Variants in RAPGEF1 observed in about 807,000 individuals in gnomAD.
The protein encoded by RAPGEF1 is CRK SH3-binding GNRP.
In RAPGEF1, 33 loss-of-function variants were observed where a neutral mutation model predicts 143.3. The ratio of observed to expected loss-of-function variants is 0.23; its 90% CI spans 0.17 to 0.31. RAPGEF1 has a LOEUF of 0.31. RAPGEF1 is among the 10% of genes least tolerant of loss of function. The pLI, the probability that RAPGEF1 is intolerant of heterozygous loss-of-function variation, is 1.00. For synonymous variants in RAPGEF1, 629 were observed against 676.5 expected (o/e 0.93, Z 1.09); for missense variants, 1,199 against 1,645.4 (o/e 0.73, Z 4.69).
At chr9:131,617,710 T>C (rs1161885214) in intron 12 of RAPGEF1, among the ~76,000 whole-genome samples, 2 of 152,332 alleles carry the variant, frequency 1.3e-5, no homozygotes, top group East Asian at 3.9e-4. Context: ...ACATTTCATA[T>C]AATTTTACTT....
At chr9:131,708,112 C>T (rs985146620) in intron 1 of RAPGEF1, among the ~76,000 whole-genome samples, 27 of 152,176 alleles carry the variant, frequency 1.8e-4, no homozygotes, top group African/African-American at 6.3e-4. Context: ...AATTAGCATC[C>T]CACCTACTTT....
At chr9:131,711,213 G>T (rs1316908527) in intron 1 of RAPGEF1, among the ~76,000 whole-genome samples, 1 of 151,540 alleles carries the variant, frequency 6.6e-6, no homozygotes, top group Non-Finnish European at 1.5e-5. Context: ...ACCTCGCCTG[G>T]CTAATTTTTA....
intron 1 of RAPGEF1, among the ~76,000 whole-genome samples, chr9:131,703,942 G>A (rs1198860067): frequency 1.3e-5 from 2 of 152,156 alleles, no homozygotes; most frequent in Non-Finnish European, 1.5e-5. Flanking sequence ...CCATGTCCAT[G>A]GATCTGGTAA....
At chr9:131,720,578 G>A (rs752631187) in intron 1 of RAPGEF1, among the ~76,000 whole-genome samples, 3 of 152,126 alleles carry the variant, frequency 2.0e-5, no homozygotes, top group Non-Finnish European at 2.9e-5. Context: ...CTGGGTACCC[G>A]GCAGGTCCTC....
intron 12 of RAPGEF1, 82 bp downstream of exon 12, chr9:131,618,969 G>T (rs1313455271): frequency 8.2e-7 from 1 of 1,220,990 alleles, no homozygotes; most frequent in South Asian, 1.3e-5. Context: ...ACGGGCAGCA[G>T]AACACATGGC....
At chr9:131,649,200 ATTTTTT>A (rs55813422) in intron 3 of RAPGEF1, among the ~76,000 whole-genome samples, 38 of 87,234 alleles carry the variant, frequency 4.4e-4, no homozygotes, top group East Asian at 1.1e-3. Flanking sequence ...GCCTGGCTAA[ATTTTTT>A]TTTTTTTTTT....
At chr9:131,590,804 G>A (rs1473967012) in intron 18 of RAPGEF1, among the ~76,000 whole-genome samples, 1 of 152,230 alleles carries the variant, frequency 6.6e-6, no homozygotes, top group African/African-American at 2.4e-5. Context: ...TGATGGCTGA[G>A]CCAGGCAGAG....
chr9:131,649,279 T>C (rs1394523218), intron 3 of RAPGEF1, among the ~76,000 whole-genome samples: 1 of 143,158 alleles, frequency 7.0e-6, no homozygotes, highest in Non-Finnish European at 1.5e-5. Context: ...GGTCTTGAAC[T>C]CGTGACCTCA....
rs1588169475 is a variant in RAPGEF1 at position 131,584,981 on chromosome 9, C to T, written c.3234-385G>A. Among the ~76,000 whole-genome samples, 1 of 152,298 alleles carries T rather than the reference C, an allele frequency of 6.6e-6. No homozygotes were observed. The highest frequency in any genetic ancestry group is 3.4e-3 in the Middle Eastern group (1 of 294). ...TGCAGGACTGGCTCGGGGAGACCCG[C>T]TAGCACGTGAGGTAAGAGGTCACCT... On this transcript the variant is annotated intron_variant, in intron 22 of 26. Transcript: ENST00000683357. This position sits in a 1 kb window ranked among gnomAD's most constrained non-coding sequence, Gnocchi z 6.8.
chr9:131,604,522 T>C (rs1956793566), intron 13 of RAPGEF1, among the ~76,000 whole-genome samples: 1 of 152,220 alleles, frequency 6.6e-6, no homozygotes, highest in South Asian at 2.1e-4. Flanking sequence ...GAACAGACAC[T>C]TGTCCTGAAT....
chr9:131,709,526 T>G, intron 1 of RAPGEF1: 1 of 1,158,730 alleles, frequency 8.6e-7, no homozygotes, highest in Non-Finnish European at 1.3e-6. Context: ...TGGAAGGTGA[T>G]TCCCCAGGCA....
At position 131,659,859 on chromosome 9, in the gene RAPGEF1, C is replaced by T. The variant is rs570214262; in HGVS notation, c.62-8910G>A. ...TTTGATATGGAGTCTCGCTCTGTCG[C>T]CCAGGCTGGAGTGCAGTGGCGTGAT... is the stretch of plus-strand genomic sequence containing the variant. On this transcript the variant is annotated intron_variant, in intron 1 of 26. Coordinates refer to ENST00000683357, the MANE Select transcript of RAPGEF1 (RefSeq NM_001377935.1). Among the ~76,000 whole-genome samples, 32 of 152,214 alleles carry T rather than the reference C, an allele frequency of 2.1e-4. No homozygotes were observed. The East Asian group carries it at 4.5e-3, about 21-fold the overall frequency.
chr9:131,622,763 C>T (rs978088903), intron 10 of RAPGEF1, among the ~76,000 whole-genome samples: 10 of 142,570 alleles, frequency 7.0e-5, no homozygotes, highest in African/African-American at 2.3e-4. Flanking sequence ...GAGCTTGTCT[C>T]ACACTTCCTT....
rs1334317668 is a variant in RAPGEF1 at position 131,583,939 on chromosome 9, T to C, written c.3414+372A>G. Reference sequence around the variant, plus strand: ...TCTAGCAGAAACTCACCCAACATCATGTTGGGCTGTTCACAGTGCGTCCCC... The same window carrying C: ...TCTAGCAGAAACTCACCCAACATCACGTTGGGCTGTTCACAGTGCGTCCCC... On this transcript the variant is annotated intron_variant, in intron 24 of 26. Coordinates refer to ENST00000683357, the MANE Select transcript of RAPGEF1 (RefSeq NM_001377935.1). The surrounding 1 kb of genome is among the most constrained non-coding windows in gnomAD (Gnocchi z 4.7). Among the ~76,000 whole-genome samples, 1 of 152,208 alleles carries C rather than the reference T, an allele frequency of 6.6e-6. No homozygotes were observed. Among genetic ancestry groups the C allele is most frequent in the Non-Finnish European group, 1.5e-5 (1 of 68,030 alleles).
chr9:131,592,392 C>A, intron 17 of RAPGEF1, among the ~76,000 whole-genome samples: 1 of 152,154 alleles, frequency 6.6e-6, no homozygotes, highest in Non-Finnish European at 1.5e-5. Context: ...GTCCATCTCT[C>A]AAAGGAAACG....
intron 12 of RAPGEF1, among the ~76,000 whole-genome samples, chr9:131,612,894 G>A (rs1315293815): frequency 6.6e-6 from 1 of 152,196 alleles, no homozygotes; most frequent in African/African-American, 2.4e-5. Context: ...GGAAAATGAG[G>A]AAGAAAATGG....
chr9:131,636,453 A>G (rs1049210604), intron 5 of RAPGEF1, among the ~76,000 whole-genome samples: 1 of 152,216 alleles, frequency 6.6e-6, no homozygotes, highest in Non-Finnish European at 1.5e-5. Flanking sequence ...GTCACTTTGA[A>G]AAATCAAGGA....
chr9:131,739,702 G>A, intron 1 of RAPGEF1, 68 bp downstream of exon 1: 1 of 1,022,124 alleles, frequency 9.8e-7, no homozygotes, highest in Non-Finnish European at 1.2e-6. Context: ...CCCGCGCTCG[G>A]CCCGGGGAGC....
At chr9:131,671,926 T>C (rs1831462285) in intron 1 of RAPGEF1, among the ~76,000 whole-genome samples, 1 of 152,246 alleles carries the variant, frequency 6.6e-6, no homozygotes, top group Non-Finnish European at 1.5e-5. Context: ...AGGCCATGCA[T>C]GTATTAAGGC....
Sources: gnomAD v4.1 joint callset for allele counts (sites outside exome capture counted in the v4.1 genomes callset) on GRCh38, gnomAD v4.1.1 for gene constraint, Gnocchi (gnomAD v3.1) non-coding constraint, MANE v1.5 for transcripts, NCBI Gene and HGNC (gene_info 2026-07-23, HGNC 2026-07-21) for gene names.